Variants in CLCN3 observed in about 807,000 individuals in gnomAD.
CLCN3 encodes Cl-/H+ antiporter 3.
CLCN3 carries 16 observed loss-of-function variants against 83.4 expected under a neutral mutation model. The observed-to-expected ratio is 0.19, with a 90% CI of 0.13 to 0.29. The LOEUF is 0.29. Among genes scored for constraint, CLCN3 ranks in the 10% least tolerant of loss-of-function variants. The pLI is 1.00. For missense variants in CLCN3, 544 were observed against 1,006.0 expected, an observed-to-expected ratio of 0.54 and a Z score of 6.21; for synonymous variants, 322 against 346.2, an observed-to-expected ratio of 0.93 and a Z score of 0.78.
chr4:169,686,421 T>TC (rs1052080982), intron 3 of CLCN3, among the ~76,000 whole-genome samples: 6 of 147,484 alleles, frequency 4.1e-5, no homozygotes, highest in African/African-American at 1.5e-4. Context: ...AAAATTGACT[T>TC]TTTTTTTTTT....
chr4:169,646,624 T>C (rs1730582159), intron 2 of CLCN3, among the ~76,000 whole-genome samples: 1 of 152,162 alleles, frequency 6.6e-6, no homozygotes. Context: ...AATACAGTTA[T>C]ATAAAGTTTT....
Position 169,695,602 on chromosome 4 carries a change from C to G in CLCN3, c.937-10C>G. 6.3e-7 allele frequency: 1 copy of G among 1,596,058 alleles called. No individual in the cohort carries two copies. The highest frequency in any genetic ancestry group is 8.6e-7 in the Non-Finnish European group (1 of 1,165,558). ...ATGAAATTATGAAATAAGCCATATC[C>G]TCTTTCTAGGTGCTATCAGCTGCCT... On this transcript the variant is annotated splice_polypyrimidine_tract_variant and intron_variant, in intron 7 of 12. Transcript: ENST00000513761.
At position 169,689,168 on chromosome 4, in the gene CLCN3, G is replaced by A; in HGVS notation, c.544G>A (p.Glu182Lys). Residue 182 changes from glutamate to lysine, a missense_variant, in exon 5 of 13, where the codon GAA (glutamate) becomes AAA (lysine). Glu to Lys is a moderately conservative substitution (Grantham distance 56). Around this residue, in one of 6 missense-constraint regions of CLCN3, gnomAD observed 96 missense variants for 202.1 expected, o/e 0.48. Coordinates refer to ENST00000513761, the MANE Select transcript of CLCN3 (RefSeq NM_001829.4). Reference sequence around the variant, plus strand: ...TTGGGGATCTAATGAAACAACATTTGAAGAGAGGGATAAATGTCCACAGTG... The same window carrying A: ...TTGGGGATCTAATGAAACAACATTTAAAGAGAGGGATAAATGTCCACAGTG... ...CCWGSNETTF[E>K]ERDKCPQWKT... 1 of 1,613,976 alleles carries A rather than the reference G, an allele frequency of 6.2e-7. No homozygotes were observed. Among genetic ancestry groups the A allele is most frequent in the Non-Finnish European group, 8.5e-7 (1 of 1,179,934 alleles).
intron 4 of CLCN3, 136 bp from the exon 5 acceptor site, chr4:169,688,907 T>C: frequency 3.3e-6 from 2 of 612,538 alleles, no homozygotes; most frequent in Non-Finnish European, 2.7e-6. Flanking sequence ...AATTTGAAAA[T>C]CTTAAATTTA....
intron 2 of CLCN3, among the ~76,000 whole-genome samples, chr4:169,659,769 C>T (rs150931021): frequency 7.5e-4 from 114 of 151,836 alleles, no homozygotes; most frequent in African/African-American, 2.7e-3. Flanking sequence ...CTTGAGAAAC[C>T]TTTGGCATAT....
intron 2 of CLCN3, among the ~76,000 whole-genome samples, chr4:169,637,912 T>C (rs1198470052): frequency 6.6e-6 from 1 of 152,236 alleles, no homozygotes; most frequent in East Asian, 1.9e-4. Flanking sequence ...TATATTTTTG[T>C]AGATCTGTTT....
chr4:169,676,840 G>A (rs1731700419), intron 2 of CLCN3, among the ~76,000 whole-genome samples: 2 of 151,952 alleles, frequency 1.3e-5, no homozygotes, highest in Admixed American at 6.6e-5. Flanking sequence ...GTCTTTTACA[G>A]ACTATACTCA....
rs1339820990 is a variant in CLCN3 at position 169,721,539 on chromosome 4, AATC to A, written c.*1544_*1546del. On this transcript the variant is annotated 3_prime_UTR_variant, in exon 13 of 13. Transcript: ENST00000513761. ...TTCGTGTATACCTTCTTAAAAAAAAAATCAAACCAAAAATGTGAAAACAATAGA... is the reference window on the plus strand; with the variant it reads ...TTCGTGTATACCTTCTTAAAAAAAAAAAACCAAAAATGTGAAAACAATAGA... The A allele has an allele frequency of 3.9e-5, 6 of 152,202 alleles. No homozygotes were observed. The highest frequency in any genetic ancestry group is 1.4e-4 in the African/African-American group (6 of 41,422). The allele number at this position is 152,202 out of a possible 1,614,324, so 9.4% of individuals were successfully genotyped here. A position where few individuals can be genotyped will look rare whatever the true frequency, so the allele number is the denominator to read the frequency against.
chr4:169,657,944 T>C (rs1730935241), intron 2 of CLCN3, among the ~76,000 whole-genome samples: 1 of 152,176 alleles, frequency 6.6e-6, no homozygotes, highest in Non-Finnish European at 1.5e-5. Context: ...CATCTTCCAG[T>C]CTACCTTGTG....
intron 7 of CLCN3, among the ~76,000 whole-genome samples, chr4:169,692,624 T>A (rs1300858733): frequency 6.6e-6 from 1 of 152,152 alleles, no homozygotes; most frequent in East Asian, 1.9e-4. Context: ...TTCTGAAGTG[T>A]TTTCTAAGCT....
intron 12 of CLCN3, chr4:169,717,970 A>G: frequency 1.5e-6 from 1 of 669,302 alleles, no homozygotes; most frequent in Non-Finnish European, 2.7e-6. Context: ...CTGCTGAACA[A>G]AAATATCCTA....
At chr4:169,703,473 C>T (rs920682263) in intron 9 of CLCN3, among the ~76,000 whole-genome samples, 1 of 152,132 alleles carries the variant, frequency 6.6e-6, no homozygotes, top group African/African-American at 2.4e-5. Flanking sequence ...AAAGACAGTG[C>T]TTAAAACTGA....
At chr4:169,622,975 T>C (rs895168743) in intron 1 of CLCN3, among the ~76,000 whole-genome samples, 1 of 152,246 alleles carries the variant, frequency 6.6e-6, no homozygotes, top group African/African-American at 2.4e-5. Flanking sequence ...CATTCACATC[T>C]GTACATAAAC....
chr4:169,680,346 G>T, intron 3 of CLCN3, 139 bp downstream of exon 3: 6 of 625,986 alleles, frequency 9.6e-6, no homozygotes, highest in Admixed American at 3.5e-5. Flanking sequence ...TGTGGTACAT[G>T]TTTTTTTCTT....
rs115422140 is a variant in CLCN3 at position 169,629,825 on chromosome 4, A to G, written c.-16-6088A>G. Among the ~76,000 whole-genome samples, 1,269 of 152,350 alleles carry G rather than the reference A, an allele frequency of 8.3e-3. 11 individuals are homozygous for G. The highest frequency in any genetic ancestry group is 0.029 in the African/African-American group (1,202 of 41,586). On this transcript the variant is annotated intron_variant, in intron 1 of 12. Coordinates refer to ENST00000513761, the MANE Select transcript of CLCN3 (RefSeq NM_001829.4). ...GTGGTAAGTGCTGTAAAAGAGAGCTATAAGAACTAATAATGAGAAAATTTG... is the reference window on the plus strand; with the variant it reads ...GTGGTAAGTGCTGTAAAAGAGAGCTGTAAGAACTAATAATGAGAAAATTTG...
intron 2 of CLCN3, among the ~76,000 whole-genome samples, chr4:169,674,438 T>G (rs1003895592): frequency 3.3e-5 from 5 of 152,202 alleles, no homozygotes; most frequent in African/African-American, 1.2e-4. Flanking sequence ...ATATTATAAG[T>G]ATTCCTGTTA....
chr4:169,678,040 G>A (rs1731748921), intron 2 of CLCN3, among the ~76,000 whole-genome samples: 2 of 152,198 alleles, frequency 1.3e-5, no homozygotes, highest in African/African-American at 4.8e-5. Context: ...TTGAGAAGAG[G>A]ATGTGTGAGA....
intron 2 of CLCN3, among the ~76,000 whole-genome samples, chr4:169,649,347 T>G (rs1367230078): frequency 6.6e-6 from 1 of 152,206 alleles, no homozygotes; most frequent in Non-Finnish European, 1.5e-5. Context: ...GGGAAACCAC[T>G]GAAGATTTTT....
intron 12 of CLCN3, 36 bp downstream of exon 12, chr4:169,713,331 A>G (rs1472332860): frequency 1.4e-6 from 2 of 1,480,028 alleles, no homozygotes; most frequent in Non-Finnish European, 1.9e-6. Context: ...TTCACTTGCT[A>G]GAATATAGGA....
Sources: gnomAD v4.1 joint callset for allele counts (sites outside exome capture counted in the v4.1 genomes callset) on GRCh38, gnomAD v4.1.1 for gene constraint, gnomAD v4.1.1 regional missense constraint, MANE v1.5 for transcripts, NCBI Gene and HGNC (gene_info 2026-07-23, HGNC 2026-07-21) for gene names.